Variants in SYT7 observed in about 807,000 individuals in gnomAD.
SYT7 encodes synaptotagmin-7.
SYT7 carries 29 observed loss-of-function variants against 75.1 expected under a neutral mutation model. That is an observed-to-expected ratio of 0.39 (90% CI 0.29 to 0.53). SYT7 has a LOEUF of 0.53. Among genes scored for constraint, SYT7 ranks in the 20% least tolerant of loss-of-function variants. The probability of loss-of-function intolerance (pLI) is 0.77; values close to 1 mark genes in which losing one functional copy is unlikely to be tolerated. For synonymous variants in SYT7, 376 were observed against 401.7 expected, an observed-to-expected ratio of 0.94 and a Z score of 0.76; for missense variants, 693 against 953.2, an observed-to-expected ratio of 0.73 and a Z score of 3.59.
intron 1 of SYT7, among the ~76,000 whole-genome samples, chr11:61,567,388 G>C (rs2135408169): frequency 6.7e-6 from 1 of 149,992 alleles, no homozygotes; most frequent in East Asian, 1.9e-4. Flanking sequence ...TCGGCCACGC[G>C]GCTCCTTGTC....
In SYT7 at chr11:61,523,205, TTCA is replaced by T. The variant is rs1443851951; in HGVS notation, c.1823_1825del (p.Met608del). On this transcript the variant is annotated inframe_deletion, in exon 12 of 13. Coordinates refer to ENST00000539008, the MANE Select transcript of SYT7 (RefSeq NM_001365809.2). The surrounding 1 kb of genome is among the most constrained non-coding windows in gnomAD (Gnocchi z 5.0). ...ATTGAAGATGGGGTTCAGGTTCCTC[TTCA>T]TCGTCACCGTCTTCTTCTTCTCCAC... 1 of 1,614,108 alleles carries T rather than the reference TTCA, an allele frequency of 6.2e-7. No homozygotes were observed. Among genetic ancestry groups the T allele is most frequent in the Non-Finnish European group, 8.5e-7 (1 of 1,180,064 alleles).
chr11:61,574,623 T>A (rs1053012221), intron 1 of SYT7, among the ~76,000 whole-genome samples: 14 of 151,460 alleles, frequency 9.2e-5, no homozygotes, highest in African/African-American at 2.4e-4. Flanking sequence ...ACCCCCATCC[T>A]TGGATGGGGG....
chr11:61,527,966 C>A lies in SYT7; in HGVS notation c.1420G>T (p.Val474Leu). The change falls in exon 9 of 13, where the codon GTG becomes TTG. Residue 474 changes from valine to leucine, a missense_variant. Transcript: ENST00000539008. Reference sequence around the variant, plus strand: ...TGGGGGTTCAGGTTCTTCCGCTTCACCTTGGTCTCCAGCTTGTGCTTCTTG... The same window carrying A: ...TGGGGGTTCAGGTTCTTCCGCTTCAACTTGGTCTCCAGCTTGTGCTTCTTG... ...PDKKHKLETK[V>L]KRKNLNPHWN... The A allele has an allele frequency of 6.2e-7, 1 of 1,614,168 alleles. No individual in the cohort carries two copies. Among genetic ancestry groups the A allele is most frequent in the Non-Finnish European group, 8.5e-7 (1 of 1,180,046 alleles).
At chr11:61,538,336 G>C (rs1242464322) in intron 6 of SYT7, 70 bp from the exon 7 acceptor site, 2 of 506,888 alleles carry the variant, frequency 3.9e-6, no homozygotes, top group Non-Finnish European at 3.1e-6. Context: ...CAGGGGGGAA[G>C]GAGAGAGAGG....
chr11:61,525,096 G>A lies in SYT7; in HGVS notation c.1472-564C>T, dbSNP rs115418397. Reference sequence around the variant, plus strand: ...GTGCTTCCATCCTTCCTACCGCAGCGTCCCCTTCTCTACTGCCACCTCCCT... The same window carrying A: ...GTGCTTCCATCCTTCCTACCGCAGCATCCCCTTCTCTACTGCCACCTCCCT... On this transcript the variant is annotated intron_variant, in intron 9 of 12. Coordinates refer to ENST00000539008, the MANE Select transcript of SYT7 (RefSeq NM_001365809.2). 3.6e-3 allele frequency among the ~76,000 whole-genome samples: 547 copies of A among 152,246 alleles called. 6 individuals are homozygous for A. The highest frequency in any genetic ancestry group is 0.013 in the African/African-American group (521 of 41,548).
intron 5 of SYT7, among the ~76,000 whole-genome samples, chr11:61,545,177 G>T (rs1168705451): frequency 6.6e-6 from 1 of 152,214 alleles, no homozygotes; most frequent in Admixed American, 6.5e-5. Flanking sequence ...CATGAGAGGG[G>T]ATATACTGTC....
intron 12 of SYT7, among the ~76,000 whole-genome samples, chr11:61,522,316 A>G (rs1476219434): frequency 1.3e-5 from 2 of 150,610 alleles, no homozygotes; most frequent in African/African-American, 2.5e-5. Flanking sequence ...CAGCCTCCTG[A>G]GTAGCTGGGA....
intron 5 of SYT7, among the ~76,000 whole-genome samples, chr11:61,544,223 C>A (rs1254452267): frequency 6.6e-6 from 1 of 152,118 alleles, no homozygotes; most frequent in African/African-American, 2.4e-5. Context: ...CTGGGCTGCC[C>A]AAGGGAGGAG....
Position 61,542,634 on chromosome 11 carries a change from TG to T in SYT7, c.573-56del. 1 of 1,433,500 alleles carries T rather than the reference TG, an allele frequency of 7.0e-7. No individual in the cohort carries two copies. The highest frequency in any genetic ancestry group is 9.1e-7 in the Non-Finnish European group (1 of 1,097,922). 88.8% of individuals were successfully genotyped at this position (1,433,500 alleles called of 1,614,324 possible). A position where few individuals can be genotyped will look rare whatever the true frequency, so the allele number is the denominator to read the frequency against. On this transcript the variant is annotated intron_variant, in intron 5 of 12. Coordinates refer to ENST00000539008, the MANE Select transcript of SYT7 (RefSeq NM_001365809.2). This position sits in a 1 kb window ranked among gnomAD's most constrained non-coding sequence, Gnocchi z 7.8. Reference sequence around the variant, plus strand: ...GGAGAAGCAGATGAAGGGATCACAGTGGAAGAGAAAGAAGCCGAGGGCCAGG... The same window carrying T: ...GGAGAAGCAGATGAAGGGATCACAGTGAAGAGAAAGAAGCCGAGGGCCAGG...
chr11:61,585,849 T>C (rs2064374925), upstream of SYT7, among the ~76,000 whole-genome samples: 1 of 152,316 alleles, frequency 6.6e-6, no homozygotes, highest in South Asian at 2.1e-4. Context: ...GTCCTACCTC[T>C]GCCTGTTTCT....
intron 1 of SYT7, among the ~76,000 whole-genome samples, chr11:61,559,571 A>C (rs1183085943): frequency 6.6e-6 from 1 of 151,994 alleles, no homozygotes; most frequent in Non-Finnish European, 1.5e-5. Context: ...CTACAGTAGG[A>C]AGCAGCTGGA....
Position 61,546,300 on chromosome 11 carries a change from T to G in SYT7, c.348-45A>C, listed in dbSNP as rs1202052886. 3 of 1,340,948 alleles carry G rather than the reference T, an allele frequency of 2.2e-6. No homozygotes were observed. The highest frequency in any genetic ancestry group is 3.4e-5 in the Admixed American group (1 of 29,620). The allele number at this position is 1,340,948 out of a possible 1,614,324, so 83.1% of individuals were successfully genotyped here. ...AGCCAGGCCAGAGGGGCACCGGGGG[T>G]GGCGGTGGGGGAGAGAGGGCAGGCC... On this transcript the variant is annotated intron_variant, in intron 4 of 12. Transcript: ENST00000539008. This position sits in a 1 kb window ranked among gnomAD's most constrained non-coding sequence, Gnocchi z 7.6.
At chr11:61,530,546 C>A (rs998670379) in intron 8 of SYT7, among the ~76,000 whole-genome samples, 1 of 152,156 alleles carries the variant, frequency 6.6e-6, no homozygotes, top group African/African-American at 2.4e-5. Context: ...TGCCCCGCGA[C>A]CTGACCCACT....
rs117566820 is a variant in SYT7, at chr11:61,518,169, G to C, written c.*458C>G. 1.2e-5 allele frequency: 2 copies of C among 160,376 alleles called. No individual in the cohort carries two copies. Among genetic ancestry groups the C allele is most frequent in the African/African-American group, 4.8e-5 (2 of 41,772 alleles). 9.9% of individuals were successfully genotyped at this position (160,376 alleles called of 1,614,324 possible). A position where few individuals can be genotyped will look rare whatever the true frequency, so the allele number is the denominator to read the frequency against. On this transcript the variant is annotated 3_prime_UTR_variant, in exon 13 of 13. Transcript: ENST00000539008. ...AGCCGGCACCTGAAACTGCCCTGGG[G>C]ATGGGCCTCTCCTGGCCAGGCCGGG...
chr11:61,563,478 G>A (rs1027349980), intron 1 of SYT7, among the ~76,000 whole-genome samples: 6 of 152,142 alleles, frequency 3.9e-5, no homozygotes, highest in African/African-American at 7.2e-5. Flanking sequence ...CCACAACCTC[G>A]GACCATTATT....
chr11:61,562,709 G>T (rs1267915306), intron 1 of SYT7, among the ~76,000 whole-genome samples: 1 of 152,186 alleles, frequency 6.6e-6, no homozygotes, highest in Non-Finnish European at 1.5e-5. Context: ...GCATCAGTGA[G>T]CACCTACAGT....
intron 12 of SYT7, among the ~76,000 whole-genome samples, chr11:61,520,119 TGACCTCGTGATCTGCCC>T (rs1228946009): frequency 7.8e-6 from 1 of 128,694 alleles, no homozygotes; most frequent in Non-Finnish European, 1.5e-5. Flanking sequence ...CTCACACTCC[TGACCTCGTGATCTGCCC>T]GCCTTGGCCT....
In SYT7 at chr11:61,551,645, T is replaced by G. The variant is rs532428857; in HGVS notation, c.136-182A>C. Among the ~76,000 whole-genome samples the G allele has an allele frequency of 7.9e-5, 12 of 152,220 alleles. No individual in the cohort carries two copies. The highest frequency in any genetic ancestry group is 2.4e-4 in the African/African-American group (10 of 41,558). On this transcript the variant is annotated intron_variant, in intron 2 of 12. Coordinates refer to ENST00000539008, the MANE Select transcript of SYT7 (RefSeq NM_001365809.2). This position sits in a 1 kb window ranked among gnomAD's most constrained non-coding sequence, Gnocchi z 5.3. ...ATCCCCTGGATGCCTGCTCCCCGGT[T>G]GGCAGCTCCTGGGCCCCATCGGGCT...
intron 1 of SYT7, among the ~76,000 whole-genome samples, chr11:61,568,718 C>T (rs2063840994): frequency 6.6e-6 from 1 of 152,218 alleles, no homozygotes; most frequent in South Asian, 2.1e-4. Context: ...ACCACTCCAG[C>T]CCCCCACCAT....
Sources: gnomAD v4.1 joint callset for allele counts (sites outside exome capture counted in the v4.1 genomes callset) on GRCh38, gnomAD v4.1.1 for gene constraint, Gnocchi (gnomAD v3.1) non-coding constraint, MANE v1.5 for transcripts, NCBI Gene and HGNC (gene_info 2026-07-23, HGNC 2026-07-21) for gene names.